KIF18B: variants seen among roughly 807,000 people sequenced by gnomAD.
KIF18B encodes the protein kinesin-like protein KIF18B.
In KIF18B, 49 loss-of-function variants were observed where a neutral mutation model predicts 80.9. The observed-to-expected ratio is 0.61, with a 90% CI of 0.48 to 0.77. The LOEUF (loss-of-function observed/expected upper bound fraction) is 0.77. Among genes scored for constraint, KIF18B ranks in the 30% least tolerant of loss-of-function variants. The pLI is 0.00. For missense variants in KIF18B, 994 were observed against 1,127.7 expected (o/e 0.88, Z 1.70); for synonymous variants, 439 against 463.9 (o/e 0.95, Z 0.69).
chr17:44,934,859 A>C lies in KIF18B; in HGVS notation c.548T>G (p.Val183Gly), dbSNP rs1438307643. 1 of 1,549,206 alleles carries C rather than the reference A, an allele frequency of 6.5e-7. No individual in the cohort carries two copies. Among genetic ancestry groups the C allele is most frequent in the Non-Finnish European group, 8.7e-7 (1 of 1,145,292 alleles). The change falls in exon 4 of 16, where the codon GTG (valine) becomes GGG (glycine). Residue 183 changes from valine (V) to glycine (G), a missense_variant. Transcript: ENST00000593135. The surrounding 1 kb of genome is among the most constrained non-coding windows in gnomAD (Gnocchi z 5.4). Reference protein sequence around the residue: ...LAIREDPDKGVVVQGLSFHQP... With the variant: ...LAIREDPDKGGVVQGLSFHQP... ...GTGGAAAGAAAGTCCTTGCACCACC[A>C]CCCCCTTGTCGGGGTCCTCGCGGAT...
In KIF18B at chr17:44,927,882, G is replaced by A. The variant is rs1035668189; in HGVS notation, c.2276+144C>T. On this transcript the variant is annotated intron_variant, in intron 13 of 15. Coordinates refer to ENST00000593135, the MANE Select transcript of KIF18B (RefSeq NM_001265577.2). The surrounding 1 kb of genome is among the most constrained non-coding windows in gnomAD (Gnocchi z 4.1). Reference sequence around the variant, plus strand: ...CCCTGGCAGCTGTTGGGCCTGGGGAGCAAAGCGGATCACAACCAAAGTGGA... The same window carrying A: ...CCCTGGCAGCTGTTGGGCCTGGGGAACAAAGCGGATCACAACCAAAGTGGA... 1.8e-5 allele frequency: 13 copies of A among 733,640 alleles called. No individual in the cohort carries two copies. The highest frequency in any genetic ancestry group is 2.6e-5 in the Non-Finnish European group (13 of 499,108). 45.4% of individuals were successfully genotyped at this position (733,640 alleles called of 1,614,324 possible). A position where few individuals can be genotyped will look rare whatever the true frequency, so the allele number is the denominator to read the frequency against.
At chr17:44,939,444 C>CTTTTCCAG (rs2052376214) in intron 1 of KIF18B, among the ~76,000 whole-genome samples, 1 of 148,398 alleles carries the variant, frequency 6.7e-6, no homozygotes, top group Non-Finnish European at 1.5e-5. Context: ...ATGTCCATTC[C>CTTTTCCAG]TTTTCCAGTA....
Position 44,927,479 on chromosome 17 carries a change from G to A in KIF18B, c.2277-401C>T, listed in dbSNP as rs1705484863. Reference sequence around the variant, plus strand: ...GGTTCTTGGCCTTGGACTGTCTTGAGCAGGCTGCTGTTCCCCTCCTCTGCC... The same window carrying A: ...GGTTCTTGGCCTTGGACTGTCTTGAACAGGCTGCTGTTCCCCTCCTCTGCC... On this transcript the variant is annotated intron_variant, in intron 13 of 15. Coordinates refer to ENST00000593135, the MANE Select transcript of KIF18B (RefSeq NM_001265577.2). This position sits in a 1 kb window ranked among gnomAD's most constrained non-coding sequence, Gnocchi z 4.1. 6.6e-6 allele frequency among the ~76,000 whole-genome samples: 1 copy of A among 152,218 alleles called. No individual in the cohort carries two copies. Among genetic ancestry groups the A allele is most frequent in the Admixed American group, 6.5e-5 (1 of 15,286 alleles).
chr17:44,940,839 C>A (rs941452838), intron 1 of KIF18B, among the ~76,000 whole-genome samples: 4 of 152,074 alleles, frequency 2.6e-5, no homozygotes, highest in Non-Finnish European at 4.4e-5. Context: ...AACTCCTGTC[C>A]CCTCATCCCT....
intron 1 of KIF18B, among the ~76,000 whole-genome samples, chr17:44,941,424 G>A (rs1277457846): frequency 2.0e-5 from 3 of 149,382 alleles, no homozygotes; most frequent in Admixed American, 6.7e-5. Flanking sequence ...CTGCAACCTC[G>A]GCCTCCCAGG....
rs367940915 is a variant in KIF18B at position 44,932,738 on chromosome 17, C to A, written c.1173G>T (p.Glu391Asp). Residue 391 changes from glutamate to aspartate, a missense_variant, in exon 9 of 16, where the codon GAG (glutamate) becomes GAT (aspartate). Glu to Asp is a conservative substitution (Grantham distance 45). Coordinates refer to ENST00000593135, the MANE Select transcript of KIF18B (RefSeq NM_001265577.2). The part of the protein sequence containing the change: ...AALRKKLQVY[E>D]GGGQPPPQDL... ...CCTGTGGTGGGGGCTGGCCTCCCCC[C>A]TCATACACTTGGAGCTTCTTCCTCA... 3 of 1,613,398 alleles carry A rather than the reference C, an allele frequency of 1.9e-6. No individual in the cohort carries two copies. The African/African-American group carries it at 4.0e-5, about 22-fold the overall frequency.
At chr17:44,932,369 G>A (rs2052175594) in intron 9 of KIF18B, 163 bp from the exon 10 acceptor site, 2 of 737,452 alleles carry the variant, frequency 2.7e-6, no homozygotes, top group Non-Finnish European at 4.3e-6. Flanking sequence ...GTGACAAATG[G>A]GCAGTAGCTG....
chr17:44,933,921 A>AC lies in KIF18B; in HGVS notation c.1062+1dup, dbSNP rs1174167488. The AC allele has an allele frequency of 7.7e-6, 12 of 1,556,354 alleles. No individual in the cohort carries two copies. Among genetic ancestry groups the AC allele is most frequent in the Admixed American group, 5.8e-5 (3 of 52,004 alleles). On this transcript the variant is annotated splice_donor_variant, in intron 7 of 15. Transcript: ENST00000593135. LOFTEE classifies it high-confidence loss of function. Reference sequence around the variant, plus strand: ...CCCAAGCCGGCCCTGGCTGGCACGCACCGAGAGCCTGATCTCCTTGGCCCG... The same window carrying AC: ...CCCAAGCCGGCCCTGGCTGGCACGCACCCGAGAGCCTGATCTCCTTGGCCCG...
At chr17:44,929,124 G>C (rs551502941) in intron 11 of KIF18B, 100 bp from the exon 12 acceptor site, 1 of 1,106,712 alleles carries the variant, frequency 9.0e-7, no homozygotes, top group East Asian at 2.5e-5. Flanking sequence ...CTGTGGTTGA[G>C]GAGTCTGAAC....
At chr17:44,931,259 G>A (rs2052139794) in intron 11 of KIF18B, among the ~76,000 whole-genome samples, 2 of 152,232 alleles carry the variant, frequency 1.3e-5, no homozygotes, top group Admixed American at 1.3e-4. Flanking sequence ...GCTTCCCTTG[G>A]CTGTCCCCTC....
chr17:44,926,785 C>T (rs1239171088), intron 14 of KIF18B, among the ~76,000 whole-genome samples: 1 of 152,154 alleles, frequency 6.6e-6, no homozygotes, highest in African/African-American at 2.4e-5. Context: ...CCTCATGGAT[C>T]AGCTCTGGGG....
At chr17:44,942,430 C>T (rs2052437444) in intron 1 of KIF18B, among the ~76,000 whole-genome samples, 1 of 152,180 alleles carries the variant, frequency 6.6e-6, no homozygotes, top group African/African-American at 2.4e-5. Context: ...CCTCACAAGT[C>T]CCTGGAGAAG....
Position 44,934,104 on chromosome 17 carries a change from G to A in KIF18B, c.886-5C>T. Reference sequence around the variant, plus strand: ...GGGCACATGGGTCTTGCGGCCCTGGGGGGCAGTAAGCAGGTGTGGGGTGAG... The same window carrying A: ...GGGCACATGGGTCTTGCGGCCCTGGAGGGCAGTAAGCAGGTGTGGGGTGAG... On this transcript the variant is annotated splice_region_variant and splice_polypyrimidine_tract_variant and intron_variant, in intron 6 of 15. Coordinates refer to ENST00000593135, the MANE Select transcript of KIF18B (RefSeq NM_001265577.2). The surrounding 1 kb of genome is among the most constrained non-coding windows in gnomAD (Gnocchi z 5.4). 2 of 1,612,064 alleles carry A rather than the reference G, an allele frequency of 1.2e-6. No homozygotes were observed. Among genetic ancestry groups the A allele is most frequent in the Non-Finnish European group, 1.7e-6 (2 of 1,179,234 alleles).
chr17:44,926,487 G>A lies in KIF18B; in HGVS notation c.2379C>T (p.Ser793=), dbSNP rs1279077314. ...GGCGGGCGATGCGGCTGCGGCCATG[G>A]GAGACTGAGGAACTGAGGGAGGAAA... is the stretch of plus-strand genomic sequence containing the variant. ...KKKRVASSSV[S]HGRSRIARLP... Residue 793 remains serine, a synonymous_variant, in exon 15 of 16, where the codon TCC becomes TCT. Transcript: ENST00000593135. The A allele has an allele frequency of 1.3e-6, 2 of 1,587,148 alleles. No individual in the cohort carries two copies. Among genetic ancestry groups the A allele is most frequent in the Non-Finnish European group, 1.7e-6 (2 of 1,168,412 alleles).
chr17:44,947,116 A>G (rs1444018127), intron 1 of KIF18B, among the ~76,000 whole-genome samples: 2 of 80,332 alleles, frequency 2.5e-5, no homozygotes, highest in African/African-American at 1.8e-4. Context: ...CCATCTCCAA[A>G]AAAAAAAAAA....
intron 1 of KIF18B, among the ~76,000 whole-genome samples, chr17:44,941,581 C>T (rs555945662): frequency 1.1e-4 from 16 of 152,142 alleles, no homozygotes; most frequent in Non-Finnish European, 1.5e-4. Context: ...TCAGGTGATC[C>T]GCCTGCCTTG....
At chr17:44,936,616 ATATATATATTTTTTTTT>A (rs1567796147) in intron 1 of KIF18B, among the ~76,000 whole-genome samples, 35 of 79,784 alleles carry the variant, frequency 4.4e-4, no homozygotes, top group African/African-American at 1.8e-3. Flanking sequence ...ATATATATAT[ATATATATATTTTTTTTT>A]TTTTTTTTTT....
chr17:44,942,033 A>G (rs920255846), intron 1 of KIF18B, among the ~76,000 whole-genome samples: 3 of 152,276 alleles, frequency 2.0e-5, no homozygotes, highest in African/African-American at 7.2e-5. Flanking sequence ...GTCCCTGTTC[A>G]GCATCTGACC....
intron 1 of KIF18B, among the ~76,000 whole-genome samples, chr17:44,946,021 A>G (rs1478841290): frequency 1.3e-5 from 2 of 151,346 alleles, no homozygotes; most frequent in Non-Finnish European, 2.9e-5. Context: ...GGAGTTCAAG[A>G]CCAGCCTGGG....
Sources: allele counts gnomAD v4.1 joint callset (sites outside exome capture counted in the v4.1 genomes callset), GRCh38; gene constraint gnomAD v4.1.1; non-coding constraint Gnocchi (gnomAD v3.1); transcripts MANE v1.5; gene names NCBI Gene and HGNC (gene_info 2026-07-23, HGNC 2026-07-21).